Variants in FHIT observed in about 807,000 individuals in gnomAD.
FHIT encodes bis(5'-adenosyl)-triphosphatase.
In FHIT, 19 loss-of-function variants were observed where a neutral mutation model predicts 17.9. The ratio of observed to expected loss-of-function variants is 1.06; its 90% CI spans 0.74 to 1.56. The LOEUF (loss-of-function observed/expected upper bound fraction) is 1.56, where lower values mean the gene tolerates loss of function less well. FHIT is among the 40% of genes most tolerant of loss of function. The pLI is 0.00. For synonymous variants in FHIT, 81 were observed against 69.7 expected (o/e 1.16, Z -0.81); for missense variants, 248 against 189.2 (o/e 1.31, Z -1.82).
chr3:60,458,086 T>C (rs1430033408), intron 5 of FHIT, among the ~76,000 whole-genome samples: 6 of 152,198 alleles, frequency 3.9e-5, no homozygotes, highest in Non-Finnish European at 8.8e-5. Context: ...TTACTGGGTA[T>C]ATACCCAAAG....
intron 3 of FHIT, among the ~76,000 whole-genome samples, chr3:60,922,481 G>T (rs755565202): frequency 7.2e-5 from 11 of 152,146 alleles, no homozygotes; most frequent in Non-Finnish European, 1.6e-4. Flanking sequence ...ACTCTTTTGG[G>T]TAAAGATATA....
chr3:61,037,804 C>A (rs1374036875), intron 3 of FHIT, among the ~76,000 whole-genome samples: 1 of 152,190 alleles, frequency 6.6e-6, no homozygotes, highest in Non-Finnish European at 1.5e-5. Flanking sequence ...GACCCTTGAT[C>A]TTAGATGTCC....
chr3:60,967,916 C>T (rs56976848), intron 3 of FHIT, among the ~76,000 whole-genome samples: 1,840 of 152,228 alleles, frequency 0.012, 36 homozygotes, highest in African/African-American at 0.041. Context: ...TATGCTAATT[C>T]GCCACTACAA....
At chr3:60,794,857 A>G (rs782373632) in intron 4 of FHIT, among the ~76,000 whole-genome samples, 5 of 152,310 alleles carry the variant, frequency 3.3e-5, no homozygotes, top group Non-Finnish European at 5.9e-5. Context: ...TGCTATGGGC[A>G]ATTTTGTTTA....
intron 7 of FHIT, among the ~76,000 whole-genome samples, chr3:59,924,486 GATT>G (rs1215818341): frequency 2.0e-5 from 3 of 152,140 alleles, no homozygotes; most frequent in Non-Finnish European, 4.4e-5. Context: ...TCTATATGGG[GATT>G]ATAATGGTTG....
At chr3:60,235,331 A>C (rs1376083480) in intron 5 of FHIT, among the ~76,000 whole-genome samples, 1 of 151,486 alleles carries the variant, frequency 6.6e-6, no homozygotes. Flanking sequence ...CCTGGGTTCA[A>C]ATGATTCTTC....
chr3:60,012,018 CCAAA>C (rs1700157124), intron 6 of FHIT, among the ~76,000 whole-genome samples: 1 of 152,072 alleles, frequency 6.6e-6, no homozygotes, highest in African/African-American at 2.4e-5. Flanking sequence ...GTTGAGATGG[CCAAA>C]CAAAGCAATG....
intron 8 of FHIT, among the ~76,000 whole-genome samples, chr3:59,867,123 C>T (rs536872943): frequency 1.0e-5 from 1 of 95,694 alleles, no homozygotes; most frequent in African/African-American, 5.6e-5. Flanking sequence ...ATACCATCAA[C>T]GTGAGGTATG....
intron 5 of FHIT, among the ~76,000 whole-genome samples, chr3:60,293,366 A>G (rs973739002): frequency 5.3e-5 from 8 of 152,136 alleles, no homozygotes; most frequent in African/African-American, 1.9e-4. Flanking sequence ...GCTAGAAAAT[A>G]TAAGAAAAAA....
chr3:61,037,391 C>T (rs934451720), intron 3 of FHIT, among the ~76,000 whole-genome samples: 3 of 152,142 alleles, frequency 2.0e-5, no homozygotes, highest in African/African-American at 7.2e-5. Flanking sequence ...AATAGTGTTT[C>T]CCAAAGCCTG....
chr3:60,882,421 C>CA, intron 3 of FHIT, among the ~76,000 whole-genome samples: 1 of 151,740 alleles, frequency 6.6e-6, no homozygotes, highest in South Asian at 2.1e-4. Context: ...AAGGACACAA[C>CA]AAAAAAAGGC....
chr3:60,306,718 T>G (rs368970699), intron 5 of FHIT, among the ~76,000 whole-genome samples: 62 of 152,268 alleles, frequency 4.1e-4, no homozygotes, highest in East Asian at 2.1e-3. Flanking sequence ...AAGGCAATAA[T>G]TCTAAATATA....
At chr3:60,355,285 A>T (rs1699599861) in intron 5 of FHIT, among the ~76,000 whole-genome samples, 1 of 152,202 alleles carries the variant, frequency 6.6e-6, no homozygotes, top group Admixed American at 6.5e-5. Context: ...CTTAGCTGTC[A>T]TGGACTCAGA....
At chr3:59,791,724 A>T (rs1010424361) in intron 8 of FHIT, among the ~76,000 whole-genome samples, 28 of 152,304 alleles carry the variant, frequency 1.8e-4, no homozygotes, top group African/African-American at 6.3e-4. Flanking sequence ...AATTAAAAAA[A>T]CGGTGCAATT....
intron 4 of FHIT, among the ~76,000 whole-genome samples, chr3:60,550,773 C>T (rs955310889): frequency 5.9e-5 from 9 of 152,170 alleles, no homozygotes; most frequent in Non-Finnish European, 7.3e-5. Flanking sequence ...GTATTATATA[C>T]TTGCCATATT....
At chr3:60,093,274 A>G (rs111566777) in intron 5 of FHIT, among the ~76,000 whole-genome samples, 2 of 152,206 alleles carry the variant, frequency 1.3e-5, no homozygotes, top group Admixed American at 6.5e-5. Context: ...CTAGAGTCCA[A>G]CTACATTCCT....
At chr3:61,243,545 C>T (rs1324846496) in intron 1 of FHIT, among the ~76,000 whole-genome samples, 2 of 152,094 alleles carry the variant, frequency 1.3e-5, no homozygotes, top group Non-Finnish European at 2.9e-5. Flanking sequence ...TGGTTCATTT[C>T]AATGGTTCAT....
chr3:61,211,254 AG>A (rs1418207903), intron 1 of FHIT, among the ~76,000 whole-genome samples: 1 of 151,988 alleles, frequency 6.6e-6, no homozygotes, highest in African/African-American at 2.4e-5. Context: ...TCCTAGTCAA[AG>A]AAAGGGGTGA....
chr3:59,836,331 C>T (rs1019154901), intron 8 of FHIT, among the ~76,000 whole-genome samples: 4 of 152,200 alleles, frequency 2.6e-5, no homozygotes, highest in African/African-American at 4.8e-5. Flanking sequence ...ATGAGCCACA[C>T]TATCCCTTCA....
Sources: gnomAD v4.1 joint callset for allele counts (sites outside exome capture counted in the v4.1 genomes callset) on GRCh38, gnomAD v4.1.1 for gene constraint, MANE v1.5 for transcripts, NCBI Gene and HGNC (gene_info 2026-07-23, HGNC 2026-07-21) for gene names.